Variants in ELOVL2 observed in about 807,000 individuals in gnomAD.
ELOVL2 encodes very long chain fatty acid elongase 2.
A neutral mutation model predicts 37.7 loss-of-function variants in ELOVL2; 38 were observed. The ratio of observed to expected loss-of-function variants is 1.01; its 90% CI spans 0.78 to 1.32. The LOEUF (loss-of-function observed/expected upper bound fraction) is 1.32, where lower values mean the gene tolerates loss of function less well. Among genes scored for constraint, ELOVL2 ranks in the 40% most tolerant of loss-of-function variants. The pLI is 0.00. For missense variants in ELOVL2, 352 were observed against 363.6 expected (o/e 0.97, Z 0.26); for synonymous variants, 115 against 122.3 (o/e 0.94, Z 0.40).
At chr6:10,990,630 A>G (rs1782140072) in intron 5 of ELOVL2, among the ~76,000 whole-genome samples, 188 bp from the exon 6 acceptor site, 1 of 151,490 alleles carries the variant, frequency 6.6e-6, no homozygotes, top group Admixed American at 6.6e-5. Context: ...CAAAAACTCC[A>G]TGATAGAAGG....
At chr6:10,996,253 T>A (rs1782266661) in intron 4 of ELOVL2, among the ~76,000 whole-genome samples, 1 of 152,068 alleles carries the variant, frequency 6.6e-6, no homozygotes, top group South Asian at 2.1e-4. Flanking sequence ...TCTGATGAGA[T>A]AATTAACCTT....
chr6:11,026,543 G>A (rs149562222), intron 1 of ELOVL2, among the ~76,000 whole-genome samples: 1 of 152,222 alleles, frequency 6.6e-6, no homozygotes, highest in East Asian at 1.9e-4. Context: ...GTGAAGTGTT[G>A]TACTACGGAC....
chr6:11,031,082 T>C (rs1333207144), intron 1 of ELOVL2, among the ~76,000 whole-genome samples: 1 of 152,242 alleles, frequency 6.6e-6, no homozygotes, highest in Non-Finnish European at 1.5e-5. Flanking sequence ...ATTCAAGATT[T>C]TTTTTTGAGA....
rs182278939 is a variant in ELOVL2, at chr6:11,030,859, A to C, written c.3+13369T>G. ...CACTAAGAAATGAAACACAACTGAT[A>C]AAGTTCTCACTCCCTTTGTACATCT... On this transcript the variant is annotated intron_variant, in intron 1 of 7. Coordinates refer to ENST00000354666, the MANE Select transcript of ELOVL2 (RefSeq NM_017770.4). Among the ~76,000 whole-genome samples the C allele has an allele frequency of 8.5e-5, 13 of 152,294 alleles. No individual in the cohort carries two copies. The East Asian group carries it at 2.1e-3, about 25-fold the overall frequency.
At chr6:11,031,150 C>A (rs1393784427) in intron 1 of ELOVL2, among the ~76,000 whole-genome samples, 2 of 152,076 alleles carry the variant, frequency 1.3e-5, no homozygotes, top group African/African-American at 4.8e-5. Context: ...GTATAGTATT[C>A]CATCTTATGA....
At chr6:10,984,185 T>C (rs909860112) in intron 7 of ELOVL2, among the ~76,000 whole-genome samples, 3 of 152,064 alleles carry the variant, frequency 2.0e-5, no homozygotes, top group Non-Finnish European at 4.4e-5. Flanking sequence ...GCCCGGCTAA[T>C]TTATGTATTT....
At chr6:10,994,912 G>C (rs888732067) in intron 5 of ELOVL2, 95 bp downstream of exon 5, 1 of 1,005,404 alleles carries the variant, frequency 9.9e-7, no homozygotes, top group Non-Finnish European at 1.4e-6. Context: ...CTCCCTTCAT[G>C]CTCTCCTGAT....
At chr6:11,009,579 G>C (rs748313446) in intron 2 of ELOVL2, among the ~76,000 whole-genome samples, 8 of 152,164 alleles carry the variant, frequency 5.3e-5, no homozygotes, top group Non-Finnish European at 8.8e-5. Flanking sequence ...GACTCATCTG[G>C]AGGGAGGGGT....
chr6:10,989,888 C>CA (rs775608654), intron 6 of ELOVL2, 51 bp from the exon 7 acceptor site: 9 of 1,608,712 alleles, frequency 5.6e-6, no homozygotes, highest in Non-Finnish European at 7.7e-6. Context: ...CTGTGCCACA[C>CA]AGACACTGCG....
intron 1 of ELOVL2, among the ~76,000 whole-genome samples, chr6:11,035,651 AT>A (rs915933480): frequency 9.2e-5 from 14 of 152,146 alleles, no homozygotes; most frequent in East Asian, 3.8e-4. Flanking sequence ...TAGGGTCTAG[AT>A]TTTTTTGTCA....
At chr6:11,007,729 T>G (rs955341475) in intron 2 of ELOVL2, among the ~76,000 whole-genome samples, 10 of 152,208 alleles carry the variant, frequency 6.6e-5, no homozygotes, top group African/African-American at 2.4e-4. Context: ...CCAACTATAG[T>G]ACATGCTCCA....
intron 1 of ELOVL2, among the ~76,000 whole-genome samples, chr6:11,013,289 G>A (rs1561722524): frequency 1.3e-5 from 2 of 152,152 alleles, no homozygotes; most frequent in Non-Finnish European, 2.9e-5. Context: ...ATGAGGTGAT[G>A]TCAGGGGAAC....
intron 1 of ELOVL2, among the ~76,000 whole-genome samples, chr6:11,042,182 G>A (rs890235367): frequency 2.6e-5 from 4 of 152,108 alleles, no homozygotes; most frequent in South Asian, 2.1e-4. Context: ...GTGTGGTGAC[G>A]TGCGCCTGTA....
intron 1 of ELOVL2, among the ~76,000 whole-genome samples, chr6:11,042,608 A>C (rs1783115190): frequency 6.6e-6 from 1 of 152,002 alleles, no homozygotes; most frequent in African/African-American, 2.4e-5. Flanking sequence ...GGTCCTAAAA[A>C]TGCTTTGTCC....
intron 1 of ELOVL2, chr6:11,015,584 A>C (rs1165502847): frequency 6.6e-6 from 1 of 152,314 alleles, no homozygotes; most frequent in Non-Finnish European, 1.5e-5. Flanking sequence ...CAATAAATAC[A>C]CCACTTGGAG....
chr6:11,029,258 G>GCATT (rs141302740), intron 1 of ELOVL2, among the ~76,000 whole-genome samples: 3,140 of 146,624 alleles, frequency 0.021, 143 homozygotes, highest in East Asian at 0.19. Context: ...AGGTAGGCTG[G>GCATT]CATTCAGTGT....
intron 1 of ELOVL2, among the ~76,000 whole-genome samples, chr6:11,011,390 T>C (rs1782581758): frequency 6.6e-6 from 1 of 150,934 alleles, no homozygotes; most frequent in Non-Finnish European, 1.5e-5. Context: ...AAAAAAAACA[T>C]TGAAGGGTTA....
chr6:11,013,144 G>T (rs1296342479), intron 1 of ELOVL2, among the ~76,000 whole-genome samples: 1 of 152,170 alleles, frequency 6.6e-6, no homozygotes, highest in Non-Finnish European at 1.5e-5. Flanking sequence ...TATGGCCAGG[G>T]TCTCTAGTGA....
At position 10,982,127 on chromosome 6, in the gene ELOVL2, GC is replaced by G. The variant is rs1781945813; in HGVS notation, c.*1653del. On this transcript the variant is annotated 3_prime_UTR_variant, in exon 8 of 8. Transcript: ENST00000354666. ...ACATCTGTTCAACAGAAATGGGTCG[GC>G]CGCACTGAAGGGAAGGAAGCAGGTG... 1 of 152,226 alleles carries G rather than the reference GC, an allele frequency of 6.6e-6. No individual in the cohort carries two copies. Among genetic ancestry groups the G allele is most frequent in the African/African-American group, 2.4e-5 (1 of 41,442 alleles). 9.4% of individuals were successfully genotyped at this position (152,226 alleles called of 1,614,324 possible).
Sources: allele counts gnomAD v4.1 joint callset (sites outside exome capture counted in the v4.1 genomes callset), GRCh38; gene constraint gnomAD v4.1.1; transcripts MANE v1.5; gene names NCBI Gene and HGNC (gene_info 2026-07-23, HGNC 2026-07-21).